The following LAMB1 variants were observed in gnomAD, a reference collection of about 807,000 sequenced individuals.
The protein encoded by LAMB1 is laminin subunit beta-1.
Under a neutral mutation model 222.3 loss-of-function variants are expected in LAMB1, and 121 were observed. The observed-to-expected ratio is 0.54, with a 90% CI of 0.47 to 0.63. LAMB1 has a LOEUF of 0.63. Among genes scored for constraint, LAMB1 ranks in the 30% least tolerant of loss-of-function variants. The pLI, the probability that LAMB1 is intolerant of heterozygous loss-of-function variation, is 0.00. For missense variants in LAMB1, 2,172 were observed against 2,240.8 expected (o/e 0.97, Z 0.62); for synonymous variants, 794 against 807.2 (o/e 0.98, Z 0.28).
chr7:107,968,292 T>C (rs1433824429), intron 13 of LAMB1, among the ~76,000 whole-genome samples: 1 of 152,234 alleles, frequency 6.6e-6, no homozygotes, highest in East Asian at 1.9e-4. Flanking sequence ...TAGATTCTTA[T>C]GTATTCTCTA....
intron 5 of LAMB1, among the ~76,000 whole-genome samples, chr7:107,992,251 C>CA (rs2034200179): frequency 6.6e-6 from 1 of 152,162 alleles, no homozygotes. Flanking sequence ...TTCTTTATTC[C>CA]AGGCTAAAAT....
intron 24 of LAMB1, chr7:107,940,582 T>C (rs1285961022): frequency 1.8e-6 from 1 of 557,200 alleles, no homozygotes; most frequent in African/African-American, 1.9e-5. Context: ...TAAACAGAAA[T>C]GTTTTATATG....
intron 28 of LAMB1, 146 bp downstream of exon 28, chr7:107,932,028 A>T: frequency 1.3e-6 from 1 of 793,410 alleles, no homozygotes; most frequent in Non-Finnish European, 2.1e-6. Context: ...CTCTGACCTC[A>T]CAGAAACATG....
Position 108,002,877 on chromosome 7 carries a change from A to T in LAMB1, c.9T>A (p.Leu3=). ...AGAAACTGAAAGCTAGCAACTGGAG[A>T]AGCCCCATGCCGGCTCCCTGCAGCC... is the stretch of plus-strand genomic sequence containing the variant. MG[L]LQLLAFSFLA... The change falls in exon 2 of 34, where the codon CTT becomes CTA. Residue 3 remains leucine (L), a synonymous_variant. Coordinates refer to ENST00000222399, the MANE Select transcript of LAMB1 (RefSeq NM_002291.3). 6.2e-7 allele frequency: 1 copy of T among 1,614,106 alleles called. No homozygotes were observed. The highest frequency in any genetic ancestry group is 8.5e-7 in the Non-Finnish European group (1 of 1,179,998).
At chr7:107,951,508 T>C (rs554905624) in intron 23 of LAMB1, among the ~76,000 whole-genome samples, 186 bp from the exon 24 acceptor site, 16 of 152,358 alleles carry the variant, frequency 1.1e-4, no homozygotes, top group Non-Finnish European at 2.1e-4. Context: ...ATCTAAGTGC[T>C]CTTTTGCAAC....
chr7:107,998,755 AT>A (rs1404458926), intron 3 of LAMB1, among the ~76,000 whole-genome samples: 1 of 152,230 alleles, frequency 6.6e-6, no homozygotes, highest in Non-Finnish European at 1.5e-5. Flanking sequence ...CAAGCTATTA[AT>A]TTAACCAAAA....
chr7:107,957,962 C>T (rs956758408), intron 20 of LAMB1, among the ~76,000 whole-genome samples: 7 of 152,166 alleles, frequency 4.6e-5, no homozygotes, highest in Non-Finnish European at 8.8e-5. Context: ...TCACAGATAT[C>T]AACTATGCCA....
At chr7:107,999,663 G>A (rs2034345763) in intron 3 of LAMB1, 1 of 146,598 alleles carries the variant, frequency 6.8e-6, no homozygotes, top group South Asian at 2.2e-4. Context: ...AGATGTTTGA[G>A]AAAAGCATAT....
chr7:107,975,463 A>G, intron 10 of LAMB1, 50 bp from the exon 11 acceptor site: 1 of 1,506,334 alleles, frequency 6.6e-7, no homozygotes. Flanking sequence ...AACTCAATGT[A>G]TCTTTGTATA....
In LAMB1 at chr7:107,940,287, C is replaced by G. The variant is rs1332531336; in HGVS notation, c.3463G>C (p.Glu1155Gln). 6.2e-7 allele frequency: 1 copy of G among 1,614,092 alleles called. No homozygotes were observed. The highest frequency in any genetic ancestry group is 1.3e-5 in the African/African-American group (1 of 74,918). Residue 1155 changes from glutamate to glutamine, a missense_variant, in exon 25 of 34, where the codon GAG becomes CAG. By Grantham distance (29) the Glu-to-Gln change is conservative. Transcript: ENST00000222399. ...TCACAGCGTGGACCCTCAACACCCT[C>G]AACGCAGACACACTGGCCCGTGGAC... ...DQSTGQCVCV[E>Q]GVEGPRCDKC...
intron 24 of LAMB1, among the ~76,000 whole-genome samples, chr7:107,941,822 CTTTTTTTTTTTTTTTTTTTTTTT>C (rs774447066): frequency 3.1e-5 from 1 of 31,842 alleles, no homozygotes; most frequent in African/African-American, 1.4e-4. Flanking sequence ...CCACACCCGG[CTTTTTTTTTTTTTTTTTTTTTTT>C]TTTTTTTTTT....
At chr7:107,956,881 C>G (rs535528367) in intron 20 of LAMB1, among the ~76,000 whole-genome samples, 1 of 152,268 alleles carries the variant, frequency 6.6e-6, no homozygotes, top group East Asian at 1.9e-4. Flanking sequence ...ATAACAAATA[C>G]AGGGAGGTCA....
At position 107,963,044 on chromosome 7, in the gene LAMB1, C is replaced by T. The variant is rs1426501725; in HGVS notation, c.1718G>A (p.Arg573Gln). Residue 573 changes from arginine (R) to glutamine (Q), a missense_variant, in exon 15 of 34, where the codon CGG becomes CAG. Coordinates refer to ENST00000222399, the MANE Select transcript of LAMB1 (RefSeq NM_002291.3). ...GGGAATCCGGTCCTGGATATATTGC[C>T]GCTCCACTATGCTAACCCCCTGAGG... ...NLGPGVSIVE[R>Q]QYIQDRIPSW... 8.1e-6 allele frequency: 13 copies of T among 1,613,288 alleles called. No homozygotes were observed. The highest frequency in any genetic ancestry group is 2.2e-5 in the East Asian group (1 of 44,888).
intron 24 of LAMB1, 23 bp downstream of exon 24, chr7:107,951,203 A>G (rs747103632): frequency 8.2e-6 from 13 of 1,587,452 alleles, no homozygotes; most frequent in East Asian, 2.2e-5. Flanking sequence ...GATCAAGTCA[A>G]TGCGAGAACG....
At chr7:107,943,284 A>G (rs1223493013) in intron 24 of LAMB1, among the ~76,000 whole-genome samples, 3 of 152,208 alleles carry the variant, frequency 2.0e-5, no homozygotes, top group African/African-American at 4.8e-5. Flanking sequence ...ATCCAGTTGT[A>G]TGTATGCCAA....
intron 7 of LAMB1, among the ~76,000 whole-genome samples, chr7:107,984,372 C>T (rs2034032976): frequency 1.3e-5 from 2 of 152,170 alleles, no homozygotes; most frequent in African/African-American, 4.8e-5. Context: ...CCTCAGCCTC[C>T]TGAGTAGCTG....
At chr7:107,942,504 G>A (rs1377022149) in intron 24 of LAMB1, 1 of 152,208 alleles carries the variant, frequency 6.6e-6, no homozygotes, top group Non-Finnish European at 1.5e-5. Flanking sequence ...GCAGGTTTGA[G>A]GAGTACAGCA....
chr7:107,935,487 CTCT>C lies in LAMB1; in HGVS notation c.4113_4115del (p.Glu1373del). The C allele has an allele frequency of 6.2e-7, 1 of 1,613,622 alleles. No individual in the cohort carries two copies. The highest frequency in any genetic ancestry group is 8.5e-7 in the Non-Finnish European group (1 of 1,179,942). On this transcript the variant is annotated inframe_deletion, in exon 27 of 34. Transcript: ENST00000222399. ...GTTCATCAAGGAGGCGAGCCTGCTC[CTCT>C]TGTTTTTCCTTGAACTGGGATTCTC...
chr7:107,929,802 C>CAA (rs1362601866), intron 29 of LAMB1, 183 bp from the exon 30 acceptor site: 1 of 602,988 alleles, frequency 1.7e-6, no homozygotes, highest in Non-Finnish European at 2.9e-6. Flanking sequence ...CCTACACACA[C>CAA]AAAAAAGTAA....
Sources: gnomAD v4.1 joint callset for allele counts (sites outside exome capture counted in the v4.1 genomes callset) on GRCh38, gnomAD v4.1.1 for gene constraint, MANE v1.5 for transcripts, NCBI Gene and HGNC (gene_info 2026-07-23, HGNC 2026-07-21) for gene names.